Variants in DYNC1H1 observed in about 807,000 individuals in gnomAD.
The protein encoded by DYNC1H1 is cytoplasmic dynein 1 heavy chain 1.
DYNC1H1 carries 51 observed loss-of-function variants against 527.1 expected under a neutral mutation model. The ratio of observed to expected loss-of-function variants is 0.10; its 90% CI spans 0.08 to 0.12. The LOEUF (loss-of-function observed/expected upper bound fraction) is 0.12. Ranked by LOEUF, DYNC1H1 falls within the 10% of genes least tolerant of loss-of-function variation. DYNC1H1 has a pLI of 1.00. For synonymous variants in DYNC1H1, 2,189 were observed against 2,278.8 expected, an observed-to-expected ratio of 0.96 and a Z score of 1.12; for missense variants, 2,771 against 5,971.8, an observed-to-expected ratio of 0.46 and a Z score of 17.66.
Position 101,986,905 on chromosome 14 carries a change from C to G in DYNC1H1, c.2538+142C>G. On this transcript the variant is annotated intron_variant, in intron 8 of 77. Transcript: ENST00000360184. The surrounding 1 kb of genome is among the most constrained non-coding windows in gnomAD (Gnocchi z 8.7). ...CCATGTGAGCTGCAAGGGAGGAGGA[C>G]CCTTTGTACTCACCGGGCTATTTAA... 9.6e-7 allele frequency: 1 copy of G among 1,044,362 alleles called. No individual in the cohort carries two copies. Among genetic ancestry groups the G allele is most frequent in the Non-Finnish European group, 1.5e-6 (1 of 678,726 alleles). 64.7% of individuals were successfully genotyped at this position (1,044,362 alleles called of 1,614,324 possible).
chr14:102,001,706 C>T lies in DYNC1H1; in HGVS notation c.4542+25C>T. On this transcript the variant is annotated intron_variant, in intron 21 of 77. Transcript: ENST00000360184. The surrounding 1 kb of genome is among the most constrained non-coding windows in gnomAD (Gnocchi z 5.0). ...GGTGCTGTTGCTGGGGAAGCTTTCC[C>T]TCCCCACCAGTGGTCTCCCACGCTT... 1 of 1,613,544 alleles carries T rather than the reference C, an allele frequency of 6.2e-7. No homozygotes were observed. Among genetic ancestry groups the T allele is most frequent in the Non-Finnish European group, 8.5e-7 (1 of 1,180,006 alleles).
At position 102,005,714 on chromosome 14, in the gene DYNC1H1, T is replaced by C. The variant is rs1335626740; in HGVS notation, c.5434-174T>C. On this transcript the variant is annotated intron_variant, in intron 26 of 77. Transcript: ENST00000360184. The surrounding 1 kb of genome is among the most constrained non-coding windows in gnomAD (Gnocchi z 4.0). ...GCTCTGGGTTCTGTGTAATACCATC[T>C]CATGAGTAACATTTCTCTCATCTCT... Among the ~76,000 whole-genome samples, 1 of 152,262 alleles carries C rather than the reference T, an allele frequency of 6.6e-6. No individual in the cohort carries two copies. The highest frequency in any genetic ancestry group is 1.5e-5 in the Non-Finnish European group (1 of 68,044).
intron 2 of DYNC1H1, among the ~76,000 whole-genome samples, chr14:101,978,192 C>T (rs971266057): frequency 1.3e-5 from 2 of 152,268 alleles, no homozygotes; most frequent in African/African-American, 4.8e-5. Context: ...GCTGTGATTA[C>T]AGGCATGTGC....
rs2048862939 is a variant in DYNC1H1 at position 102,055,176 on chromosome 14, T to TCTGACAG, written c.*4618_*4619insAGCTGAC. On this transcript the variant is annotated 3_prime_UTR_variant, in exon 78 of 78. Transcript: ENST00000360184. ...CTCTTCCACCCCTGGAAGTCAGCTT[T>TCTGACAG]CTGACCTCAGAATCCCAGCTATCTT... 2.0e-5 allele frequency: 3 copies of TCTGACAG among 152,170 alleles called. No individual in the cohort carries two copies. Among genetic ancestry groups the TCTGACAG allele is most frequent in the Admixed American group, 6.5e-5 (1 of 15,278 alleles). 9.4% of individuals were successfully genotyped at this position (152,170 alleles called of 1,614,324 possible).
rs149707073 is a variant in DYNC1H1, at chr14:102,010,820, G to A, written c.6486G>A (p.Ser2162=). 1.4e-5 allele frequency: 23 copies of A among 1,614,090 alleles called. No homozygotes were observed. The highest frequency in any genetic ancestry group is 1.1e-4 in the South Asian group (10 of 91,088). ...TCCCGCTGCTCTTCAGCCTCCTGTC[G>A]GACGTGTTCCCTGGAGTCCAGTATC... ...EDIPLLFSLL[S]DVFPGVQYHR... is the part of the protein sequence containing the mutation. The change falls in exon 32 of 78, where the codon TCG becomes TCA. Residue 2162 remains serine, a synonymous_variant. Coordinates refer to ENST00000360184, the MANE Select transcript of DYNC1H1 (RefSeq NM_001376.5). The surrounding 1 kb of genome is among the most constrained non-coding windows in gnomAD (Gnocchi z 6.0).
chr14:101,977,429 CAGTT>C (rs1349619614), intron 2 of DYNC1H1, among the ~76,000 whole-genome samples: 2 of 152,142 alleles, frequency 1.3e-5, no homozygotes, highest in African/African-American at 4.8e-5. Flanking sequence ...AATCATTTGA[CAGTT>C]AGTTATAGAC....
At chr14:101,995,536 G>A (rs752266528) in intron 15 of DYNC1H1, among the ~76,000 whole-genome samples, 6 of 151,686 alleles carry the variant, frequency 4.0e-5, no homozygotes, top group South Asian at 4.2e-4. Flanking sequence ...GCATGAACCC[G>A]GGAGGCAGAG....
rs149768768 is a variant in DYNC1H1 at position 102,048,121 on chromosome 14, G to A, written c.13218+93G>A. ...TGTTCCATGGACCATTGGTTCCACTGTGCCGGACGGAACGTACTCACACCG... is the reference window on the plus strand; with the variant it reads ...TGTTCCATGGACCATTGGTTCCACTATGCCGGACGGAACGTACTCACACCG... On this transcript the variant is annotated intron_variant, in intron 73 of 77. Transcript: ENST00000360184. 748 of 1,471,192 alleles carry A rather than the reference G, an allele frequency of 5.1e-4. 2 individuals carry two copies. In the African/African-American group the frequency reaches 9.7e-3, roughly 19 times the overall value. The allele number at this position is 1,471,192 out of a possible 1,614,324, so 91.1% of individuals were successfully genotyped here.
Position 102,041,715 on chromosome 14 carries a change from C to T in DYNC1H1, c.12083C>T (p.Thr4028Ile). The change falls in exon 65 of 78, where the codon ACC (threonine) becomes ATC (isoleucine). Residue 4028 changes from threonine to isoleucine, a missense_variant. Physicochemically the swap from Thr to Ile is moderately conservative, Grantham distance 89. Coordinates refer to ENST00000360184, the MANE Select transcript of DYNC1H1 (RefSeq NM_001376.5). The surrounding 1 kb of genome is among the most constrained non-coding windows in gnomAD (Gnocchi z 4.5). Reference protein sequence around the residue: ...MSIMEQPLDLTHIVGTEVKPN... With the variant: ...MSIMEQPLDLIHIVGTEVKPN... Reference sequence around the variant, plus strand: ...ATCATGGAGCAGCCGCTCGACCTGACCCACATTGTGGGCACAGAGGTAATG... The same window carrying T: ...ATCATGGAGCAGCCGCTCGACCTGATCCACATTGTGGGCACAGAGGTAATG... The T allele has an allele frequency of 6.2e-7, 1 of 1,614,170 alleles. No homozygotes were observed. The highest frequency in any genetic ancestry group is 8.5e-7 in the Non-Finnish European group (1 of 1,180,036).
At position 102,016,742 on chromosome 14, in the gene DYNC1H1, T is replaced by C; in HGVS notation, c.7615-24T>C. 2 of 1,611,388 alleles carry C rather than the reference T, an allele frequency of 1.2e-6. No individual in the cohort carries two copies. The highest frequency in any genetic ancestry group is 1.7e-6 in the Non-Finnish European group (2 of 1,178,926). On this transcript the variant is annotated intron_variant, in intron 37 of 77. Transcript: ENST00000360184. The surrounding 1 kb of genome is among the most constrained non-coding windows in gnomAD (Gnocchi z 7.3). ...GGAGGCACCTTGGTTGCAGCCGGACTCACACTTCCATCTCCGTGTGTAGGT... is the reference window on the plus strand; with the variant it reads ...GGAGGCACCTTGGTTGCAGCCGGACCCACACTTCCATCTCCGTGTGTAGGT...
rs1323054484 is a variant in DYNC1H1 at position 102,029,149 on chromosome 14, T to C, written c.9469-390T>C. The C allele has an allele frequency of 6.9e-6, 2 of 291,328 alleles. No individual in the cohort carries two copies. The highest frequency in any genetic ancestry group is 9.2e-5 in the East Asian group (1 of 10,858). 18.0% of individuals were successfully genotyped at this position (291,328 alleles called of 1,614,324 possible). ...TGGTAGTCTGATCATCTTGCTGTGC[T>C]TCAGAAATCAAGGGACCAGAGCAGT... is the stretch of plus-strand genomic sequence containing the variant. On this transcript the variant is annotated intron_variant, in intron 48 of 77. Coordinates refer to ENST00000360184, the MANE Select transcript of DYNC1H1 (RefSeq NM_001376.5). This position sits in a 1 kb window ranked among gnomAD's most constrained non-coding sequence, Gnocchi z 5.3.
rs368422942 is a variant in DYNC1H1, at chr14:101,994,982, T to C, written c.3334-4T>C. ...TGATGTGTTGTGTGCTATTTCACCC[T>C]CAGGTACAATCTAAGGTGAACTTGA... On this transcript the variant is annotated splice_polypyrimidine_tract_variant and splice_region_variant and intron_variant, in intron 13 of 77. Coordinates refer to ENST00000360184, the MANE Select transcript of DYNC1H1 (RefSeq NM_001376.5). The C allele has an allele frequency of 8.7e-6, 14 of 1,614,068 alleles. No individual in the cohort carries two copies. The African/African-American group carries it at 1.3e-4, about 15-fold the overall frequency.
At chr14:102,035,977 T>A (rs2048570537) in intron 56 of DYNC1H1, 1 of 171,820 alleles carries the variant, frequency 5.8e-6, no homozygotes, top group African/African-American at 2.4e-5. Flanking sequence ...GTAGATCACA[T>A]TAGCTTATTT....
intron 72 of DYNC1H1, among the ~76,000 whole-genome samples, chr14:102,045,601 A>T (rs1289542215): frequency 1.3e-5 from 2 of 152,078 alleles, no homozygotes; most frequent in East Asian, 3.9e-4. Flanking sequence ...ACAGAACAAG[A>T]TTCTGTCTCA....
In DYNC1H1 at chr14:102,041,303, AG is replaced by A; in HGVS notation, c.11942-269del. ...TTCCTGAGTACCTTCAGGTGTTCTC[AG>A]GAAGTGAGCAGGTATTAGTTTAGTA... On this transcript the variant is annotated intron_variant, in intron 64 of 77. Transcript: ENST00000360184. The surrounding 1 kb of genome is among the most constrained non-coding windows in gnomAD (Gnocchi z 4.5). The A allele has an allele frequency of 2.0e-6, 1 of 499,688 alleles. No individual in the cohort carries two copies. The highest frequency in any genetic ancestry group is 3.7e-6 in the Non-Finnish European group (1 of 272,920). The allele number at this position is 499,688 out of a possible 1,614,324, so 31.0% of individuals were successfully genotyped here. A position where few individuals can be genotyped will look rare whatever the true frequency, so the allele number is the denominator to read the frequency against.
In DYNC1H1 at chr14:102,026,568, C is replaced by A; in HGVS notation, c.8638-6C>A. 1 of 1,611,150 alleles carries A rather than the reference C, an allele frequency of 6.2e-7. No individual in the cohort carries two copies. The highest frequency in any genetic ancestry group is 1.1e-5 in the South Asian group (1 of 90,664). On this transcript the variant is annotated splice_region_variant and splice_polypyrimidine_tract_variant and intron_variant, in intron 43 of 77. Transcript: ENST00000360184. Reference sequence around the variant, plus strand: ...AGTAATTTGGGTATTACCTTTTTTTCTATAGGATTACATCCCAGTAGACCA... The same window carrying A: ...AGTAATTTGGGTATTACCTTTTTTTATATAGGATTACATCCCAGTAGACCA...
In DYNC1H1 at chr14:102,015,290, C is replaced by G; in HGVS notation, c.7200C>G (p.Gly2400=). The change falls in exon 35 of 78, where the codon GGC becomes GGG. Residue 2400 remains glycine (G), a synonymous_variant. Coordinates refer to ENST00000360184, the MANE Select transcript of DYNC1H1 (RefSeq NM_001376.5). This position sits in a 1 kb window ranked among gnomAD's most constrained non-coding sequence, Gnocchi z 6.9. ...ATGAGGCACAGCGGCGGCGTAAGGG[C>G]AAAGAGGATGAGGGGGAGGAGGCCG... The part of the protein sequence containing the change: ...GEDEAQRRRK[G]KEDEGEEAAS... The G allele has an allele frequency of 6.2e-7, 1 of 1,614,138 alleles. No individual in the cohort carries two copies. Among genetic ancestry groups the G allele is most frequent in the East Asian group, 2.2e-5 (1 of 44,874 alleles).
Position 102,041,567 on chromosome 14 carries a change from G to A in DYNC1H1, c.11942-7G>A, listed in dbSNP as rs769654088. 47 of 1,613,870 alleles carry A rather than the reference G, an allele frequency of 2.9e-5. 2 individuals are homozygous for A. In the South Asian group the frequency reaches 3.0e-4, roughly 10 times the overall value. On this transcript the variant is annotated splice_polypyrimidine_tract_variant and splice_region_variant and intron_variant, in intron 64 of 77. Transcript: ENST00000360184. This position sits in a 1 kb window ranked among gnomAD's most constrained non-coding sequence, Gnocchi z 4.5. The stretch of plus-strand genomic sequence containing the variant: ...ACCCAGCACCCACCCCTCTGTACCT[G>A]TTTCAGCACCCATTGGCCAGGCCAT...
At position 102,020,696 on chromosome 14, in the gene DYNC1H1, G is replaced by A. The variant is rs552386690; in HGVS notation, c.8507+640G>A. Among the ~76,000 whole-genome samples the A allele has an allele frequency of 5.6e-4, 86 of 152,298 alleles. No individual in the cohort carries two copies. Among genetic ancestry groups the A allele is most frequent in the African/African-American group, 1.8e-3 (76 of 41,572 alleles). On this transcript the variant is annotated intron_variant, in intron 42 of 77. Coordinates refer to ENST00000360184, the MANE Select transcript of DYNC1H1 (RefSeq NM_001376.5). This position sits in a 1 kb window ranked among gnomAD's most constrained non-coding sequence, Gnocchi z 4.3. ...AAAAATTGCTAACGGATGACTGATC[G>A]GCATCAACTGTGGAAGGTTTTGTGG...
Sources: gnomAD v4.1 joint callset for allele counts (sites outside exome capture counted in the v4.1 genomes callset) on GRCh38, gnomAD v4.1.1 for gene constraint, Gnocchi (gnomAD v3.1) non-coding constraint, MANE v1.5 for transcripts, NCBI Gene and HGNC (gene_info 2026-07-23, HGNC 2026-07-21) for gene names.